Variants in RPS6KC1 observed in about 807,000 individuals in gnomAD.
RPS6KC1 encodes ribosomal protein S6 kinase C1, also known as inactive ribosomal protein S6 kinase delta-1.
RPS6KC1 carries 54 observed loss-of-function variants against 103.8 expected under a neutral mutation model. That is an observed-to-expected ratio of 0.52 (90% confidence interval 0.42 to 0.65). The LOEUF (loss-of-function observed/expected upper bound fraction) is 0.65. Among genes scored for constraint, RPS6KC1 ranks in the 30% least tolerant of loss-of-function variants. The pLI is 0.00. For synonymous variants in RPS6KC1, 439 were observed against 438.7 expected, an observed-to-expected ratio of 1.00 and a Z score of -0.01; for missense variants, 1,151 against 1,253.8, an observed-to-expected ratio of 0.92 and a Z score of 1.24.
the RPS6KC1 span, among the ~76,000 whole-genome samples, chr1:213,841,540 A>G: frequency 2.0e-5 from 3 of 152,170 alleles, no homozygotes; most frequent in African/African-American, 7.2e-5. Flanking sequence ...ACACACTCCA[A>G]CATTCTTGCT....
intron 8 of RPS6KC1, among the ~76,000 whole-genome samples, chr1:213,207,000 A>T (rs971135883): frequency 3.3e-5 from 5 of 152,082 alleles, no homozygotes; most frequent in Admixed American, 1.3e-4. Context: ...AATCCCAGCT[A>T]CTCGGCAGGC....
the RPS6KC1 span, among the ~76,000 whole-genome samples, chr1:213,366,002 G>C: frequency 6.6e-6 from 1 of 152,212 alleles, no homozygotes; most frequent in Admixed American, 6.5e-5. Context: ...CAAAGGGTAG[G>C]GAATTAACTT....
chr1:213,289,215 G>A, the RPS6KC1 span, among the ~76,000 whole-genome samples: 1 of 112,856 alleles, frequency 8.9e-6, no homozygotes, highest in African/African-American at 3.4e-5. Context: ...AGGGCTGGAT[G>A]ATGACAGCAA....
At chr1:213,628,419 C>T in the RPS6KC1 span, among the ~76,000 whole-genome samples, 7 of 151,360 alleles carry the variant, frequency 4.6e-5, no homozygotes, top group African/African-American at 1.7e-4. Context: ...GTCTCTATTT[C>T]CTTCAGTTCT....
chr1:213,256,617 G>C (rs1167403178), intron 12 of RPS6KC1, among the ~76,000 whole-genome samples: 1 of 152,076 alleles, frequency 6.6e-6, no homozygotes, highest in Admixed American at 6.5e-5. Context: ...TCAGCCCACA[G>C]GTTGTGGGTT....
chr1:213,684,259 G>A, the RPS6KC1 span, among the ~76,000 whole-genome samples: 1 of 152,132 alleles, frequency 6.6e-6, no homozygotes, highest in African/African-American at 2.4e-5. Context: ...GATCCTCACA[G>A]CAACCCGGGG....
intron 8 of RPS6KC1, among the ~76,000 whole-genome samples, chr1:213,206,190 C>T (rs778724644): frequency 3.9e-5 from 6 of 152,180 alleles, no homozygotes; most frequent in Non-Finnish European, 7.3e-5. Flanking sequence ...TATAATAGGA[C>T]AACCTTTAAG....
chr1:213,571,851 G>A, the RPS6KC1 span, among the ~76,000 whole-genome samples: 2 of 152,160 alleles, frequency 1.3e-5, no homozygotes, highest in African/African-American at 2.4e-5. Context: ...CAAGCTGTGA[G>A]GATCTTGCTA....
At chr1:213,818,618 G>A in the RPS6KC1 span, 1 of 152,110 alleles carries the variant, frequency 6.6e-6, no homozygotes, top group Non-Finnish European at 1.5e-5. Context: ...AGAATCAAAT[G>A]AGATAATAAT....
At chr1:213,457,221 T>G in the RPS6KC1 span, among the ~76,000 whole-genome samples, 242 of 152,312 alleles carry the variant, frequency 1.6e-3, no homozygotes, top group Non-Finnish European at 2.9e-3. Context: ...CTGTCTTTGA[T>G]CCAAGCTTTG....
chr1:213,120,261 A>G (rs527330175), intron 5 of RPS6KC1, among the ~76,000 whole-genome samples: 1 of 152,330 alleles, frequency 6.6e-6, no homozygotes, highest in South Asian at 2.1e-4. Context: ...GGAACTGGAA[A>G]TGCTGTTAAT....
At chr1:213,530,880 A>G in the RPS6KC1 span, among the ~76,000 whole-genome samples, 1 of 152,246 alleles carries the variant, frequency 6.6e-6, no homozygotes, top group South Asian at 2.1e-4. Context: ...CAGTCCTGCC[A>G]CTGATGTTTT....
chr1:213,307,253 C>G, the RPS6KC1 span, among the ~76,000 whole-genome samples: 4 of 151,954 alleles, frequency 2.6e-5, no homozygotes, highest in Admixed American at 1.3e-4. Context: ...TTAGTAGAGA[C>G]AGGGTTTCAC....
the RPS6KC1 span, among the ~76,000 whole-genome samples, chr1:213,489,981 G>A: frequency 7.9e-5 from 12 of 152,092 alleles, no homozygotes; most frequent in South Asian, 2.1e-4. Context: ...ACATGATCAC[G>A]TTTATTTCCA....
At position 213,077,876 on chromosome 1, in the gene RPS6KC1, A is replaced by T. The variant is rs895873504; in HGVS notation, c.262+60A>T. ...ATAATTAATTTTGTATATATACTGAACTCTAACATAACTACACTATGAAGT... is the reference window on the plus strand; with the variant it reads ...ATAATTAATTTTGTATATATACTGATCTCTAACATAACTACACTATGAAGT... On this transcript the variant is annotated intron_variant, in intron 3 of 14. Coordinates refer to ENST00000366960, the MANE Select transcript of RPS6KC1 (RefSeq NM_012424.6). 8 of 942,130 alleles carry T rather than the reference A, an allele frequency of 8.5e-6. No individual in the cohort carries two copies. In the Admixed American group the frequency reaches 2.6e-4, roughly 31 times the overall value. 58.4% of individuals were successfully genotyped at this position (942,130 alleles called of 1,614,324 possible).
the RPS6KC1 span, among the ~76,000 whole-genome samples, chr1:213,517,160 G>A: frequency 1.3e-5 from 2 of 150,324 alleles, no homozygotes; most frequent in African/African-American, 4.9e-5. Flanking sequence ...CAATTTTGCT[G>A]ATCTTTTCAA....
At chr1:213,781,249 G>A in the RPS6KC1 span, among the ~76,000 whole-genome samples, 3 of 152,180 alleles carry the variant, frequency 2.0e-5, no homozygotes, top group South Asian at 6.2e-4. Flanking sequence ...TTTGGATCAA[G>A]TAGTAGCAGG....
At chr1:213,133,914 A>G (rs1469248480) in intron 6 of RPS6KC1, among the ~76,000 whole-genome samples, 1 of 152,136 alleles carries the variant, frequency 6.6e-6, no homozygotes, top group East Asian at 1.9e-4. Flanking sequence ...GAAGTGGGAA[A>G]TCCTCTCCAT....
chr1:213,802,281 G>A, the RPS6KC1 span, among the ~76,000 whole-genome samples: 1 of 152,288 alleles, frequency 6.6e-6, no homozygotes, highest in South Asian at 2.1e-4. Flanking sequence ...TTTAACTGCT[G>A]CCACTCTTTA....
Sources: allele counts gnomAD v4.1 joint callset (sites outside exome capture counted in the v4.1 genomes callset), GRCh38; gene constraint gnomAD v4.1.1; transcripts MANE v1.5; gene names NCBI Gene and HGNC (gene_info 2026-07-23, HGNC 2026-07-21).